Variants in LRRC1 observed in about 807,000 individuals in gnomAD.
LRRC1 encodes the protein leucine rich repeat containing 1.
Under a neutral mutation model 69.9 loss-of-function variants are expected in LRRC1, and 28 were observed. The observed-to-expected ratio is 0.40, with a 90% CI of 0.30 to 0.55. The LOEUF (loss-of-function observed/expected upper bound fraction) is 0.55, where lower values mean the gene tolerates loss of function less well. LRRC1 is among the 20% of genes least tolerant of loss of function. The pLI is 0.47. For missense variants in LRRC1, 498 were observed against 609.0 expected (o/e 0.82, Z 1.92); for synonymous variants, 236 against 240.2 (o/e 0.98, Z 0.16).
At chr6:53,822,359 A>T (rs565878974) in intron 1 of LRRC1, among the ~76,000 whole-genome samples, 1 of 152,328 alleles carries the variant, frequency 6.6e-6, no homozygotes, top group East Asian at 1.9e-4. Flanking sequence ...AATGAAGTAC[A>T]CCCTTGGAAG....
intron 2 of LRRC1, 131 bp from the exon 3 acceptor site, chr6:53,878,862 T>C (rs1767165354): frequency 3.6e-6 from 2 of 558,352 alleles, no homozygotes; most frequent in South Asian, 2.4e-5. Context: ...TAAAATACTT[T>C]ATAAGTCTAG....
intron 3 of LRRC1, among the ~76,000 whole-genome samples, chr6:53,880,657 A>G (rs1345625795): frequency 6.6e-6 from 1 of 152,164 alleles, no homozygotes; most frequent in African/African-American, 2.4e-5. Context: ...ATTACTATCC[A>G]CAGGCCCCTC....
At chr6:53,850,535 A>G (rs557538716) in intron 2 of LRRC1, among the ~76,000 whole-genome samples, 21 of 152,382 alleles carry the variant, frequency 1.4e-4, no homozygotes, top group Admixed American at 1.3e-4. Context: ...ATCAAAGAAC[A>G]TAATAACTAA....
At chr6:53,836,242 A>G (rs1223459179) in intron 1 of LRRC1, among the ~76,000 whole-genome samples, 1 of 152,184 alleles carries the variant, frequency 6.6e-6, no homozygotes. Flanking sequence ...TCCAGATGAG[A>G]GCAGCAGCGG....
intron 1 of LRRC1, among the ~76,000 whole-genome samples, chr6:53,800,342 C>A (rs1473502992): frequency 7.0e-6 from 1 of 142,376 alleles, no homozygotes; most frequent in African/African-American, 2.6e-5. Context: ...ACCTCCGTCT[C>A]CTGGTTCAAG....
At chr6:53,919,229 C>CTTTTTTTTTTTT (rs879406589) in intron 11 of LRRC1, 2 of 72,272 alleles carry the variant, frequency 2.8e-5, no homozygotes, top group African/African-American at 5.3e-5. Flanking sequence ...TTTTCTCTCT[C>CTTTTTTTTTTTT]TTTTTTTTTT....
chr6:53,882,202 T>C (rs1013809885), intron 3 of LRRC1, among the ~76,000 whole-genome samples: 7 of 152,034 alleles, frequency 4.6e-5, no homozygotes, highest in Non-Finnish European at 7.4e-5. Context: ...ACAAAAATTA[T>C]CTGGGCGTGG....
At chr6:53,815,153 G>A (rs891563504) in intron 1 of LRRC1, among the ~76,000 whole-genome samples, 1 of 152,032 alleles carries the variant, frequency 6.6e-6, no homozygotes, top group Non-Finnish European at 1.5e-5. Flanking sequence ...GGTCATCAGT[G>A]GGACCAGGAA....
intron 2 of LRRC1, among the ~76,000 whole-genome samples, chr6:53,878,743 T>C (rs901110125): frequency 6.6e-6 from 1 of 152,242 alleles, no homozygotes; most frequent in Non-Finnish European, 1.5e-5. Flanking sequence ...ACACTAGAAC[T>C]TACTCCTATA....
rs371290750 is a variant in LRRC1 at position 53,919,477 on chromosome 6, T to TTAAAA, written c.1107-21_1107-20insTAAAA. The TTAAAA allele has an allele frequency of 2.5e-3, 3,176 of 1,251,788 alleles. 158 individuals are homozygous for TTAAAA. Among genetic ancestry groups the TTAAAA allele is most frequent in the South Asian group, 6.8e-3 (380 of 55,592 alleles). The allele number at this position is 1,251,788 out of a possible 1,614,324, so 77.5% of individuals were successfully genotyped here. A position where few individuals can be genotyped will look rare whatever the true frequency, so the allele number is the denominator to read the frequency against. On this transcript the variant is annotated intron_variant, in intron 11 of 13. Coordinates refer to ENST00000370888, the MANE Select transcript of LRRC1 (RefSeq NM_018214.5). ...TTTGAGGTTGTGATGTCTCTTTTTT[T>TTAAAA]AAAAAAAAAAAAAAAAACAGGTTGC...
chr6:53,881,789 G>T (rs1767299013), intron 3 of LRRC1, among the ~76,000 whole-genome samples: 1 of 152,160 alleles, frequency 6.6e-6, no homozygotes, highest in Non-Finnish European at 1.5e-5. Context: ...TTTATTAGCA[G>T]ATTTATGTTT....
At position 53,890,980 on chromosome 6, in the gene LRRC1, C is replaced by A. The variant is rs1016282830; in HGVS notation, c.447-5518C>A. Among the ~76,000 whole-genome samples, 7 of 152,120 alleles carry A rather than the reference C, an allele frequency of 4.6e-5. No individual in the cohort carries two copies. In the East Asian group the frequency reaches 1.3e-3, roughly 29 times the overall value. ...AGTGGGTTAAAAAGGGTTTTGAAAA[C>A]ATAGTAGAGAACAGATGTAAATTCC... On this transcript the variant is annotated intron_variant, in intron 4 of 13. Coordinates refer to ENST00000370888, the MANE Select transcript of LRRC1 (RefSeq NM_018214.5).
Position 53,899,770 on chromosome 6 carries a change from G to T in LRRC1, c.666G>T (p.Leu222=), listed in dbSNP as rs927677628. 2 of 1,613,960 alleles carry T rather than the reference G, an allele frequency of 1.2e-6. No individual in the cohort carries two copies. The highest frequency in any genetic ancestry group is 1.7e-6 in the Non-Finnish European group (2 of 1,179,928). Residue 222 remains leucine (L), a synonymous_variant, in exon 8 of 14, where the codon CTG becomes CTT. Transcript: ENST00000370888. Reference sequence around the variant, plus strand: ...AGGAAATAGGAAATCTGAAGAACCTGCTGTGTTTAGATGTCTCTGAAAACA... The same window carrying T: ...AGGAAATAGGAAATCTGAAGAACCTTCTGTGTTTAGATGTCTCTGAAAACA... ...LPQEIGNLKN[L]LCLDVSENRL...
intron 2 of LRRC1, among the ~76,000 whole-genome samples, chr6:53,844,942 C>T (rs4715428): frequency 0.45 from 68,752 of 151,954 alleles, 15,785 homozygotes; most frequent in Middle Eastern, 0.53. Flanking sequence ...CGGTGGCTCA[C>T]GCCTGTAATC....
intron 1 of LRRC1, among the ~76,000 whole-genome samples, chr6:53,813,733 C>G (rs559499341): frequency 6.6e-6 from 1 of 152,210 alleles, no homozygotes; most frequent in Non-Finnish European, 1.5e-5. Context: ...GACACCTTGA[C>G]AGGTCCTAGG....
chr6:53,849,840 C>T (rs543938687), intron 2 of LRRC1, among the ~76,000 whole-genome samples: 6 of 152,054 alleles, frequency 3.9e-5, no homozygotes, highest in Admixed American at 2.6e-4. Flanking sequence ...GACTGTTGTC[C>T]CAGCTACTTG....
intron 1 of LRRC1, among the ~76,000 whole-genome samples, chr6:53,809,071 A>G (rs1178378214): frequency 6.6e-6 from 1 of 152,218 alleles, no homozygotes; most frequent in Non-Finnish European, 1.5e-5. Flanking sequence ...AACAGTAGGA[A>G]GCTCTCTGAA....
At chr6:53,914,123 G>T (rs374075582) in intron 11 of LRRC1, among the ~76,000 whole-genome samples, 154 bp downstream of exon 11, 1 of 152,120 alleles carries the variant, frequency 6.6e-6, no homozygotes, top group African/African-American at 2.4e-5. Flanking sequence ...TCCTTCATAG[G>T]GGGGCTAGAG....
chr6:53,900,018 CTGTT>C, intron 8 of LRRC1, 127 bp downstream of exon 8: 10 of 283,920 alleles, frequency 3.5e-5, no homozygotes, highest in Middle Eastern at 9.8e-4. Context: ...AGTCTCCTTA[CTGTT>C]TTTTTTTTTT....
Sources: allele counts gnomAD v4.1 joint callset (sites outside exome capture counted in the v4.1 genomes callset), GRCh38; gene constraint gnomAD v4.1.1; transcripts MANE v1.5; gene names NCBI Gene and HGNC (gene_info 2026-07-23, HGNC 2026-07-21).